ZMYND8: variants seen among roughly 807,000 people sequenced by gnomAD.
The protein encoded by ZMYND8 is zinc finger MYND-type containing 8.
Under a neutral mutation model 140.8 loss-of-function variants are expected in ZMYND8, and 37 were observed. The observed-to-expected ratio is 0.26, with a 90% CI of 0.20 to 0.35. The LOEUF (loss-of-function observed/expected upper bound fraction) is 0.35, where lower values mean the gene tolerates loss of function less well. ZMYND8 is among the 10% of genes least tolerant of loss of function. The probability of loss-of-function intolerance (pLI) is 1.00; values close to 1 mark genes in which losing one functional copy is unlikely to be tolerated. For missense variants in ZMYND8, 1,068 were observed against 1,570.0 expected (o/e 0.68, Z 5.40); for synonymous variants, 592 against 597.1 (o/e 0.99, Z 0.12).
chr20:47,297,579 GC>G (rs1387007871), intron 4 of ZMYND8, among the ~76,000 whole-genome samples: 1 of 151,794 alleles, frequency 6.6e-6, no homozygotes, highest in African/African-American at 2.4e-5. Context: ...ATACCACCAT[GC>G]CCAGCTAATT....
At chr20:47,322,480 C>T (rs1240002908) in intron 2 of ZMYND8, among the ~76,000 whole-genome samples, 5 of 140,278 alleles carry the variant, frequency 3.6e-5, no homozygotes, top group African/African-American at 1.1e-4. Context: ...CTCACTCTGT[C>T]TCCAGGCTGG....
At position 47,291,788 on chromosome 20, in the gene ZMYND8, A is replaced by C. The variant is rs757985944; in HGVS notation, c.660+8T>G. 2.5e-6 allele frequency: 4 copies of C among 1,608,120 alleles called. No homozygotes were observed. Among genetic ancestry groups the C allele is most frequent in the Non-Finnish European group, 3.4e-6 (4 of 1,177,052 alleles). Reference sequence around the variant, plus strand: ...CTAGAATGGTGAGGTTCTTTGACGGAGGCCAACCTTTTCCAATGTACAAAG... The same window carrying C: ...CTAGAATGGTGAGGTTCTTTGACGGCGGCCAACCTTTTCCAATGTACAAAG... On this transcript the variant is annotated splice_region_variant and intron_variant, in intron 6 of 22. Coordinates refer to ENST00000471951, the MANE Select transcript of ZMYND8 (RefSeq NM_001281775.3).
At position 47,246,213 on chromosome 20, in the gene ZMYND8, C is replaced by T. The variant is rs1377614791; in HGVS notation, c.2079G>A (p.Lys693=). ...VKDKASPEPE[K]DFSEKAKPSP... ...AAGGTTTTGCCTTTTCGGAAAAGTCCTTCTCAGGCTCAGGGCTGGCCTTGT... is the reference window on the plus strand; with the variant it reads ...AAGGTTTTGCCTTTTCGGAAAAGTCTTTCTCAGGCTCAGGGCTGGCCTTGT... Residue 693 remains lysine (K), a synonymous_variant, in exon 14 of 23, where the codon AAG becomes AAA. Transcript: ENST00000471951. 1 of 1,613,998 alleles carries T rather than the reference C, an allele frequency of 6.2e-7. No homozygotes were observed. The highest frequency in any genetic ancestry group is 2.2e-5 in the East Asian group (1 of 44,892).
At position 47,229,712 on chromosome 20, in the gene ZMYND8, G is replaced by C; in HGVS notation, c.2937+14C>G. On this transcript the variant is annotated intron_variant, in intron 17 of 22. Coordinates refer to ENST00000471951, the MANE Select transcript of ZMYND8 (RefSeq NM_001281775.3). ...CACTCTTAGCAAATAAGAAATTCAT[G>C]TGTCATCTCTGACCTCAGCTATTGT... 1 of 1,609,764 alleles carries C rather than the reference G, an allele frequency of 6.2e-7. No homozygotes were observed. The highest frequency in any genetic ancestry group is 1.3e-5 in the African/African-American group (1 of 74,906).
intron 15 of ZMYND8, chr20:47,237,804 TG>T (rs1244250824): frequency 2.0e-5 from 3 of 152,302 alleles, no homozygotes; most frequent in Admixed American, 2.0e-4. Context: ...GCAGGTTTCC[TG>T]GTAGAAAGAT....
At position 47,323,060 on chromosome 20, in the gene ZMYND8, G is replaced by C. The variant is rs140736190; in HGVS notation, c.86-12856C>G. Among the ~76,000 whole-genome samples, 747 of 152,250 alleles carry C rather than the reference G, an allele frequency of 4.9e-3. 7 individuals carry two copies. Among genetic ancestry groups the C allele is most frequent in the African/African-American group, 0.017 (717 of 41,558 alleles). On this transcript the variant is annotated intron_variant, in intron 2 of 22. Transcript: ENST00000471951. The stretch of plus-strand genomic sequence containing the variant: ...TCTCTGTGACTCAGTCATTCAGTTG[G>C]AACTATTAGGCTCTTCCCAAAAGGG...
At chr20:47,253,258 C>G (rs558056630) in intron 12 of ZMYND8, among the ~76,000 whole-genome samples, 2 of 152,224 alleles carry the variant, frequency 1.3e-5, no homozygotes, top group East Asian at 3.9e-4. Context: ...GCCAGGAGGT[C>G]GAGCGCAGTG....
At chr20:47,262,250 G>A (rs1216103535) in intron 12 of ZMYND8, 38 bp downstream of exon 12, 1 of 1,613,588 alleles carries the variant, frequency 6.2e-7, no homozygotes, top group South Asian at 1.1e-5. Flanking sequence ...AATATCCACA[G>A]TTGCCACAGA....
intron 13 of ZMYND8, among the ~76,000 whole-genome samples, 170 bp from the exon 14 acceptor site, chr20:47,246,687 G>A (rs1008848348): frequency 1.3e-5 from 2 of 152,176 alleles, no homozygotes; most frequent in South Asian, 2.1e-4. Flanking sequence ...AACTGGCTAC[G>A]GCTGCCAAGT....
At chr20:47,319,734 G>C (rs1185465906) in intron 2 of ZMYND8, 1 of 152,316 alleles carries the variant, frequency 6.6e-6, no homozygotes, top group Middle Eastern at 3.4e-3. Flanking sequence ...TCCCCAGCTG[G>C]GATGAGGCCC....
At chr20:47,286,637 A>G (rs1207325204) in intron 8 of ZMYND8, among the ~76,000 whole-genome samples, 1 of 152,178 alleles carries the variant, frequency 6.6e-6, no homozygotes, top group Non-Finnish European at 1.5e-5. Context: ...AGGTCATTCC[A>G]TCTCATTTTT....
At chr20:47,355,193 CA>C (rs2083120663) in intron 1 of ZMYND8, among the ~76,000 whole-genome samples, 1 of 152,146 alleles carries the variant, frequency 6.6e-6, no homozygotes, top group Non-Finnish European at 1.5e-5. Flanking sequence ...AGAGTCAAGT[CA>C]CAATGAACTG....
intron 11 of ZMYND8, among the ~76,000 whole-genome samples, chr20:47,268,168 A>C (rs975824895): frequency 1.3e-5 from 2 of 152,058 alleles, no homozygotes; most frequent in Non-Finnish European, 1.5e-5. Flanking sequence ...CAATAAACAA[A>C]CAATGACGAG....
chr20:47,343,404 T>C (rs1287389715), intron 2 of ZMYND8, among the ~76,000 whole-genome samples: 4 of 152,170 alleles, frequency 2.6e-5, no homozygotes, highest in East Asian at 1.9e-4. Flanking sequence ...ATAAGTAGTA[T>C]TGGATTACAA....
intron 14 of ZMYND8, among the ~76,000 whole-genome samples, chr20:47,239,669 C>A (rs192205402): frequency 3.5e-4 from 53 of 152,292 alleles, no homozygotes; most frequent in Admixed American, 2.6e-3. Context: ...GAAAAGTATT[C>A]TTTTCATCTC....
At chr20:47,294,102 T>A (rs116496995) in intron 5 of ZMYND8, among the ~76,000 whole-genome samples, 3,308 of 151,892 alleles carry the variant, frequency 0.022, 123 homozygotes, top group African/African-American at 0.076. Flanking sequence ...AATCCCACCA[T>A]ATTGGGAGGC....
At chr20:47,336,006 T>A (rs2081361003) in intron 2 of ZMYND8, among the ~76,000 whole-genome samples, 1 of 152,212 alleles carries the variant, frequency 6.6e-6, no homozygotes, top group African/African-American at 2.4e-5. Context: ...AAAATACGGT[T>A]AAAAATACTG....
intron 9 of ZMYND8, 89 bp from the exon 10 acceptor site, chr20:47,282,306 T>G (rs912178148): frequency 2.1e-5 from 23 of 1,111,250 alleles, no homozygotes; most frequent in African/African-American, 1.1e-4. Flanking sequence ...GAAGCAGGAC[T>G]GTGGGACACA....
intron 21 of ZMYND8, among the ~76,000 whole-genome samples, chr20:47,215,777 T>C (rs2036004753): frequency 6.6e-6 from 1 of 152,218 alleles, no homozygotes; most frequent in Non-Finnish European, 1.5e-5. Flanking sequence ...AGATACAATG[T>C]TAAATTCCAT....
Sources: gnomAD v4.1 joint callset for allele counts (sites outside exome capture counted in the v4.1 genomes callset) on GRCh38, gnomAD v4.1.1 for gene constraint, MANE v1.5 for transcripts, NCBI Gene and HGNC (gene_info 2026-07-23, HGNC 2026-07-21) for gene names.